The following CBFA2T3 variants were observed in gnomAD, a reference collection of about 807,000 sequenced individuals.
CBFA2T3 encodes the protein CBFA2/RUNX1 partner transcriptional co-repressor 3.
A neutral mutation model predicts 58.6 loss-of-function variants in CBFA2T3; 31 were observed. That is an observed-to-expected ratio of 0.53 (90% CI 0.40 to 0.71). The LOEUF (loss-of-function observed/expected upper bound fraction) is 0.71. CBFA2T3 is among the 30% of genes least tolerant of loss of function. CBFA2T3 has a pLI of 0.00. For synonymous variants in CBFA2T3, 531 were observed against 421.9 expected (o/e 1.26, Z -3.17); for missense variants, 1,076 against 963.1 (o/e 1.12, Z -1.55).
intron 8 of CBFA2T3, chr16:88,881,755 G>A (rs940248306): frequency 7.1e-5 from 31 of 435,216 alleles, no homozygotes; most frequent in African/African-American, 5.1e-4. Flanking sequence ...TTTTTAACCC[G>A]CTCAGCGGGG....
At chr16:88,886,913 T>C (rs761922358) in intron 5 of CBFA2T3, 1 of 152,272 alleles carries the variant, frequency 6.6e-6, no homozygotes, top group African/African-American at 2.4e-5. Context: ...TTGACGCCTG[T>C]GTGTACCCGC....
chr16:88,970,052 G>A (rs1010267137), intron 1 of CBFA2T3, among the ~76,000 whole-genome samples: 11 of 152,200 alleles, frequency 7.2e-5, no homozygotes, highest in South Asian at 2.1e-4. Context: ...CAAAGGGGGC[G>A]CCTGGAAAAG....
At chr16:88,909,587 G>A (rs1301842953) in intron 1 of CBFA2T3, among the ~76,000 whole-genome samples, 3 of 152,226 alleles carry the variant, frequency 2.0e-5, no homozygotes, top group African/African-American at 7.2e-5. Flanking sequence ...ACGGCGGCTG[G>A]GACGGAGGAC....
chr16:88,890,689 T>C (rs1321884864), intron 5 of CBFA2T3, among the ~76,000 whole-genome samples: 1 of 151,078 alleles, frequency 6.6e-6, no homozygotes, highest in Non-Finnish European at 1.5e-5. Flanking sequence ...CACTCTCCCA[T>C]GGGAATCACT....
intron 1 of CBFA2T3, among the ~76,000 whole-genome samples, chr16:88,924,770 G>T (rs766762667): frequency 6.6e-6 from 1 of 152,210 alleles, no homozygotes; most frequent in Non-Finnish European, 1.5e-5. Flanking sequence ...CAGGCACTGG[G>T]GGCCAAGCAG....
chr16:88,909,996 G>A (rs1970477728), intron 1 of CBFA2T3, among the ~76,000 whole-genome samples: 2 of 152,218 alleles, frequency 1.3e-5, no homozygotes. Flanking sequence ...CGGCTCCCAC[G>A]GCGGCTCCCC....
At chr16:88,888,605 G>GGTGGGGGA (rs1969495245) in intron 5 of CBFA2T3, among the ~76,000 whole-genome samples, 2 of 96,276 alleles carry the variant, frequency 2.1e-5, no homozygotes, top group Non-Finnish European at 4.3e-5. Flanking sequence ...GGGTGGGTGG[G>GGTGGGGGA]AGGGGTGGGG....
chr16:88,900,540 C>G (rs985881896), intron 2 of CBFA2T3, among the ~76,000 whole-genome samples: 1 of 152,154 alleles, frequency 6.6e-6, no homozygotes, highest in African/African-American at 2.4e-5. Flanking sequence ...GTCAGGGACC[C>G]GGGGCAAGCA....
At position 88,964,396 on chromosome 16, in the gene CBFA2T3, T is replaced by C. The variant is rs1239666236; in HGVS notation, c.151+12261A>G. ...GCTGCCAAGGGCCCAGTGGCCTCTT[T>C]TGACTTTTAATTTACTGCTGGTGAG... is the stretch of plus-strand genomic sequence containing the variant. On this transcript the variant is annotated intron_variant, in intron 1 of 11. Coordinates refer to ENST00000268679, the MANE Select transcript of CBFA2T3 (RefSeq NM_005187.6). 2.0e-5 allele frequency among the ~76,000 whole-genome samples: 3 copies of C among 152,352 alleles called. No individual in the cohort carries two copies. The East Asian group carries it at 5.8e-4, about 29-fold the overall frequency.
intron 1 of CBFA2T3, among the ~76,000 whole-genome samples, chr16:88,956,632 G>C (rs892863905): frequency 1.3e-5 from 2 of 152,238 alleles, no homozygotes; most frequent in African/African-American, 4.8e-5. Context: ...GGACCCATAG[G>C]CTCTGTCTCC....
intron 1 of CBFA2T3, chr16:88,939,473 T>A (rs1257057845): frequency 6.6e-6 from 1 of 152,330 alleles, no homozygotes; most frequent in Admixed American, 6.5e-5. Flanking sequence ...CTGTTCCTCC[T>A]GCTCTGGGCG....
rs115126588 is a variant in CBFA2T3 at position 88,906,626 on chromosome 16, G to A, written c.152-4970C>T. Among the ~76,000 whole-genome samples, 485 of 152,330 alleles carry A rather than the reference G, an allele frequency of 3.2e-3. 2 individuals carry two copies. The highest frequency in any genetic ancestry group is 0.024 in the Middle Eastern group (7 of 294). ...CTGTCTCAAGGCAGAATAGAGAAGTGGCAGGAAGGGCTAATGTCACGGAGG... is the reference window on the plus strand; with the variant it reads ...CTGTCTCAAGGCAGAATAGAGAAGTAGCAGGAAGGGCTAATGTCACGGAGG... On this transcript the variant is annotated intron_variant, in intron 1 of 11. Transcript: ENST00000268679.
At chr16:88,884,878 G>A in intron 7 of CBFA2T3, 168 bp downstream of exon 7, 1 of 581,552 alleles carries the variant, frequency 1.7e-6, no homozygotes, top group Non-Finnish European at 2.9e-6. Flanking sequence ...CCCCTCTGCA[G>A]CCACCGCTCT....
intron 1 of CBFA2T3, among the ~76,000 whole-genome samples, chr16:88,909,813 G>C (rs1184973042): frequency 1.3e-5 from 2 of 152,228 alleles, no homozygotes; most frequent in African/African-American, 4.8e-5. Context: ...GCCGTGCAGT[G>C]AGTGAGGGGC....
At chr16:88,907,594 G>A (rs956631615) in intron 1 of CBFA2T3, among the ~76,000 whole-genome samples, 1 of 152,222 alleles carries the variant, frequency 6.6e-6, no homozygotes, top group African/African-American at 2.4e-5. Flanking sequence ...GCTGAGGAGG[G>A]GGAGAGCCAG....
In CBFA2T3 at chr16:88,877,342, A is replaced by G. The variant is rs1489639296; in HGVS notation, c.1663-67T>C. 6 of 1,352,294 alleles carry G rather than the reference A, an allele frequency of 4.4e-6. No individual in the cohort carries two copies. In the African/African-American group the frequency reaches 7.5e-5, roughly 17 times the overall value. The allele number at this position is 1,352,294 out of a possible 1,614,324, so 83.8% of individuals were successfully genotyped here. A position where few individuals can be genotyped will look rare whatever the true frequency, so the allele number is the denominator to read the frequency against. On this transcript the variant is annotated intron_variant, in intron 11 of 11. Coordinates refer to ENST00000268679, the MANE Select transcript of CBFA2T3 (RefSeq NM_005187.6). ...ACCCGAATCCCCAACACACGCCTCAACCAAGCCATTCAGACCCAGCCACGT... is the reference window on the plus strand; with the variant it reads ...ACCCGAATCCCCAACACACGCCTCAGCCAAGCCATTCAGACCCAGCCACGT...
At chr16:88,969,682 G>A (rs59256047) in intron 1 of CBFA2T3, among the ~76,000 whole-genome samples, 12,611 of 152,260 alleles carry the variant, frequency 0.083, 1,260 homozygotes, top group African/African-American at 0.24. Flanking sequence ...AGCACCGCCC[G>A]TGGGGCTGCA....
intron 1 of CBFA2T3, among the ~76,000 whole-genome samples, chr16:88,973,525 C>T (rs111979281): frequency 6.6e-6 from 1 of 152,158 alleles, no homozygotes; most frequent in African/African-American, 2.4e-5. Context: ...TAGAAACACC[C>T]GGGGAGGGCA....
At chr16:88,944,064 G>A (rs1597773162) in intron 1 of CBFA2T3, among the ~76,000 whole-genome samples, 1 of 152,144 alleles carries the variant, frequency 6.6e-6, no homozygotes, top group East Asian at 1.9e-4. Flanking sequence ...ACGGCCGGGT[G>A]CGGTGGGTCA....
Sources: allele counts gnomAD v4.1 joint callset (sites outside exome capture counted in the v4.1 genomes callset), GRCh38; gene constraint gnomAD v4.1.1; transcripts MANE v1.5; gene names NCBI Gene and HGNC (gene_info 2026-07-23, HGNC 2026-07-21).